Variants in RBPMS observed in about 807,000 individuals in gnomAD.
RBPMS encodes RNA binding protein, mRNA processing factor.
In RBPMS, 7 loss-of-function variants were observed where a neutral mutation model predicts 26.8. The ratio of observed to expected loss-of-function variants is 0.26; its 90% CI spans 0.15 to 0.49. RBPMS has a LOEUF of 0.49. RBPMS is among the 20% of genes least tolerant of loss of function. RBPMS has a pLI of 0.98. For missense variants in RBPMS, 186 were observed against 250.0 expected (o/e 0.74, Z 1.73); for synonymous variants, 96 against 93.3 (o/e 1.03, Z -0.17).
chr8:30,542,738 C>G (rs1825512376), intron 5 of RBPMS, among the ~76,000 whole-genome samples: 1 of 152,204 alleles, frequency 6.6e-6, no homozygotes, highest in African/African-American at 2.4e-5. Flanking sequence ...GGCATTGGTT[C>G]TGGTAGCAGT....
At chr8:30,484,250 G>A (rs943325048) in intron 4 of RBPMS, among the ~76,000 whole-genome samples, 1 of 152,146 alleles carries the variant, frequency 6.6e-6, no homozygotes, top group South Asian at 2.1e-4. Context: ...CGAAGCAATC[G>A]TGGATTCTTG....
At chr8:30,447,150 C>A (rs180732325) in intron 1 of RBPMS, among the ~76,000 whole-genome samples, 1 of 152,100 alleles carries the variant, frequency 6.6e-6, no homozygotes. Context: ...GTTTGAGTAT[C>A]CAAAATAATG....
At chr8:30,445,144 A>G (rs1403999756) in intron 1 of RBPMS, 2 of 152,170 alleles carry the variant, frequency 1.3e-5, no homozygotes, top group Non-Finnish European at 2.9e-5. Flanking sequence ...ATCCATTAAT[A>G]TCTATTGAAA....
chr8:30,419,427 C>G, intron 1 of RBPMS, among the ~76,000 whole-genome samples: 1 of 130,670 alleles, frequency 7.7e-6, no homozygotes, highest in African/African-American at 2.7e-5. Context: ...GCCTGGGCGA[C>G]AGAGTGAGAT....
chr8:30,395,573 G>C (rs1339175879), intron 1 of RBPMS, among the ~76,000 whole-genome samples: 1 of 58,368 alleles, frequency 1.7e-5, no homozygotes, highest in Non-Finnish European at 2.8e-5. Context: ...AACATTTATG[G>C]AGTTGGTGTC....
chr8:30,557,948 TC>T (rs765750732), intron 6 of RBPMS, among the ~76,000 whole-genome samples: 3 of 152,058 alleles, frequency 2.0e-5, no homozygotes, highest in Admixed American at 6.5e-5. Flanking sequence ...TACAGCAACC[TC>T]CCCCCTCCTG....
chr8:30,409,658 G>C (rs953958732), intron 1 of RBPMS, among the ~76,000 whole-genome samples: 1 of 152,118 alleles, frequency 6.6e-6, no homozygotes, highest in African/African-American at 2.4e-5. Flanking sequence ...TTTTGAGACG[G>C]AGTCTCGCTC....
chr8:30,518,507 C>T (rs1822591640), intron 5 of RBPMS, among the ~76,000 whole-genome samples: 2 of 151,784 alleles, frequency 1.3e-5, no homozygotes, highest in South Asian at 2.1e-4. Context: ...CTCACTGCAA[C>T]CTCCACCTCC....
chr8:30,456,285 C>T (rs1163068401), intron 1 of RBPMS, among the ~76,000 whole-genome samples: 1 of 151,818 alleles, frequency 6.6e-6, no homozygotes, highest in Non-Finnish European at 1.5e-5. Flanking sequence ...GATATTTGGG[C>T]AAAAAAATGA....
rs1245547740 is a variant in RBPMS at position 30,571,102 on chromosome 8, T to C, written c.*577T>C. ...CTGGCCGGAGTCCAGGGTAAATTAG[T>C]AGCATGGTGTTAGATGTTAGAAACA... On this transcript the variant is annotated 3_prime_UTR_variant, in exon 9 of 9. Transcript: ENST00000397323. 1.3e-5 allele frequency: 2 copies of C among 150,798 alleles called. No homozygotes were observed. Among genetic ancestry groups the C allele is most frequent in the East Asian group, 1.9e-4 (1 of 5,198 alleles). 9.3% of individuals were successfully genotyped at this position (150,798 alleles called of 1,614,324 possible).
At chr8:30,512,158 G>A (rs1458490156) in intron 5 of RBPMS, among the ~76,000 whole-genome samples, 1 of 152,158 alleles carries the variant, frequency 6.6e-6, no homozygotes, top group Non-Finnish European at 1.5e-5. Context: ...TCATGCCTCA[G>A]CCTCCAGAGT....
intron 1 of RBPMS, among the ~76,000 whole-genome samples, chr8:30,429,976 A>G (rs1811749713): frequency 6.6e-6 from 1 of 152,194 alleles, no homozygotes; most frequent in South Asian, 2.1e-4. Flanking sequence ...AACTTGGCAA[A>G]TTTGAAAATC....
intron 1 of RBPMS, among the ~76,000 whole-genome samples, chr8:30,432,598 T>C (rs1301581881): frequency 6.6e-6 from 1 of 152,204 alleles, no homozygotes. Context: ...AGTAGTTATA[T>C]TGAAAAAAGA....
intron 1 of RBPMS, among the ~76,000 whole-genome samples, chr8:30,421,537 T>C (rs1353425180): frequency 6.6e-6 from 1 of 152,216 alleles, no homozygotes; most frequent in Non-Finnish European, 1.5e-5. Flanking sequence ...ATTCCTACAT[T>C]TGAAAGCCAA....
At chr8:30,463,313 C>G (rs1431738079) in intron 1 of RBPMS, among the ~76,000 whole-genome samples, 1 of 152,206 alleles carries the variant, frequency 6.6e-6, no homozygotes, top group Non-Finnish European at 1.5e-5. Flanking sequence ...GGATCTAGCT[C>G]AGGGTCATAA....
chr8:30,559,375 G>C (rs1305416070), intron 7 of RBPMS, among the ~76,000 whole-genome samples: 1 of 152,230 alleles, frequency 6.6e-6, no homozygotes, highest in Admixed American at 6.5e-5. Flanking sequence ...GAGTTTCCCT[G>C]CATACATCAT....
intron 1 of RBPMS, among the ~76,000 whole-genome samples, chr8:30,464,165 A>G (rs1414885120): frequency 6.6e-6 from 1 of 152,080 alleles, no homozygotes; most frequent in Non-Finnish European, 1.5e-5. Context: ...CTTTCTTCAT[A>G]TTTACGTGTT....
chr8:30,421,977 A>T (rs1048312568), intron 1 of RBPMS, among the ~76,000 whole-genome samples: 4 of 151,308 alleles, frequency 2.6e-5, no homozygotes, highest in Non-Finnish European at 5.9e-5. Context: ...AGAAAAAAAA[A>T]GCTGGTTGCT....
chr8:30,537,629 G>A, intron 5 of RBPMS: 3 of 456,248 alleles, frequency 6.6e-6, no homozygotes, highest in Non-Finnish European at 1.3e-5. Flanking sequence ...GAAGTGAAGG[G>A]TCTGGACTCA....
Sources: allele counts gnomAD v4.1 joint callset (sites outside exome capture counted in the v4.1 genomes callset), GRCh38; gene constraint gnomAD v4.1.1; transcripts MANE v1.5; gene names NCBI Gene and HGNC (gene_info 2026-07-23, HGNC 2026-07-21).